Variants in SHC2 observed in about 807,000 individuals in gnomAD.
SHC2 encodes SHC adaptor protein 2.
A neutral mutation model predicts 60.6 loss-of-function variants in SHC2; 62 were observed. That is an observed-to-expected ratio of 1.02 (90% CI 0.83 to 1.26). The LOEUF (loss-of-function observed/expected upper bound fraction) is 1.26, where lower values mean the gene tolerates loss of function less well. SHC2 is among the 50% of genes most tolerant of loss of function. The pLI is 0.00. For synonymous variants in SHC2, 375 were observed against 372.4 expected (o/e 1.01, Z -0.08); for missense variants, 873 against 822.2 (o/e 1.06, Z -0.76).
intron 1 of SHC2, among the ~76,000 whole-genome samples, chr19:443,244 G>T (rs1044793214): frequency 2.0e-5 from 3 of 151,286 alleles, no homozygotes; most frequent in Non-Finnish European, 4.4e-5. Context: ...ATGGATAGTT[G>T]GATGGGTGGA....
At chr19:429,690 A>AC (rs1974519046) in intron 9 of SHC2, among the ~76,000 whole-genome samples, 3 of 142,346 alleles carry the variant, frequency 2.1e-5, no homozygotes, top group Middle Eastern at 3.9e-3. Context: ...CAGTACCTAT[A>AC]CCCAACATGC....
chr19:423,098 T>C (rs949360936), intron 10 of SHC2, among the ~76,000 whole-genome samples: 7 of 151,964 alleles, frequency 4.6e-5, no homozygotes, highest in Non-Finnish European at 7.4e-5. Context: ...CGGCCTTGAA[T>C]TCCTCCAGCT....
intron 4 of SHC2, among the ~76,000 whole-genome samples, chr19:437,922 C>T (rs1165422806): frequency 6.6e-6 from 1 of 152,230 alleles, no homozygotes; most frequent in Non-Finnish European, 1.5e-5. Flanking sequence ...CAGGACACCC[C>T]TCACCTGGCC....
chr19:460,397 T>C, intron 1 of SHC2, 132 bp downstream of exon 1: 1 of 348,664 alleles, frequency 2.9e-6, no homozygotes, highest in Non-Finnish European at 4.8e-6. Flanking sequence ...GGGATGGGGG[T>C]CCGGGGTGGC....
intron 1 of SHC2, among the ~76,000 whole-genome samples, chr19:458,987 C>T (rs1975466954): frequency 6.6e-6 from 1 of 152,078 alleles, no homozygotes. Flanking sequence ...GGCTTGAGGC[C>T]CCCACCTCTG....
chr19:458,032 A>G (rs140740869), intron 1 of SHC2, among the ~76,000 whole-genome samples: 3,444 of 94,120 alleles, frequency 0.037, 212 homozygotes, highest in Middle Eastern at 0.088. Flanking sequence ...AGGCGGAAGT[A>G]GGTTCCGGGG....
At chr19:459,184 TGTAGGGGGAAGGACCCCACTGAACCCAGC>T (rs1478208923) in intron 1 of SHC2, among the ~76,000 whole-genome samples, 4,661 of 146,206 alleles carry the variant, frequency 0.032, 341 homozygotes, top group African/African-American at 0.12. Context: ...CTCAACTCGG[TGTAGGGGGAAGGACCCCACTGAACCCAGC>T]GTAGGGGGAA....
intron 9 of SHC2, among the ~76,000 whole-genome samples, chr19:429,051 T>C (rs554644817): frequency 3.5e-4 from 52 of 148,226 alleles, no homozygotes; most frequent in Middle Eastern, 4.0e-3. Context: ...GCAGTACCTA[T>C]ATCCCAACAT....
chr19:456,009 G>A (rs900311404), intron 1 of SHC2, among the ~76,000 whole-genome samples: 4 of 152,124 alleles, frequency 2.6e-5, no homozygotes, highest in African/African-American at 7.2e-5. Flanking sequence ...CGTGCGTGAC[G>A]AGTGCCCTCA....
intron 1 of SHC2, among the ~76,000 whole-genome samples, chr19:458,975 C>G (rs1445824583): frequency 6.6e-6 from 1 of 152,074 alleles, no homozygotes; most frequent in Non-Finnish European, 1.5e-5. Flanking sequence ...TTGGTGGGCC[C>G]GGGCTTGAGG....
Position 445,541 on chromosome 19 carries a change from C to G in SHC2, c.469-4609G>C, listed in dbSNP as rs1466373633. Among the ~76,000 whole-genome samples, 1 of 152,146 alleles carries G rather than the reference C, an allele frequency of 6.6e-6. No homozygotes were observed. Among genetic ancestry groups the G allele is most frequent in the African/African-American group, 2.4e-5 (1 of 41,448 alleles). On this transcript the variant is annotated intron_variant, in intron 1 of 12. Transcript: ENST00000264554. This position sits in a 1 kb window ranked among gnomAD's most constrained non-coding sequence, Gnocchi z 4.4. Reference sequence around the variant, plus strand: ...TCGAAGCCAGGAGTTCAAGACCAGCCTGGGCAATGTAATGAGGCCTCATCT... The same window carrying G: ...TCGAAGCCAGGAGTTCAAGACCAGCGTGGGCAATGTAATGAGGCCTCATCT...
chr19:447,497 A>G (rs1316195091), intron 1 of SHC2, among the ~76,000 whole-genome samples: 1 of 152,172 alleles, frequency 6.6e-6, no homozygotes, highest in African/African-American at 2.4e-5. Flanking sequence ...TTTGCATGAG[A>G]GCCGGGCACA....
At position 416,917 on chromosome 19, in the gene SHC2, G is replaced by A. The variant is rs1391420917; in HGVS notation, c.*411C>T. 6.5e-6 allele frequency: 1 copy of A among 152,990 alleles called. No homozygotes were observed. The highest frequency in any genetic ancestry group is 1.5e-5 in the Non-Finnish European group (1 of 68,376). The allele number at this position is 152,990 out of a possible 1,614,324, so 9.5% of individuals were successfully genotyped here. A position where few individuals can be genotyped will look rare whatever the true frequency, so the allele number is the denominator to read the frequency against. ...CCCAGTCCTCAGGTGGGAAGAGGAA[G>A]CCCAGCCAGGCCCGGAATCCGCCTC... On this transcript the variant is annotated 3_prime_UTR_variant, in exon 13 of 13. Transcript: ENST00000264554.
rs555657001 is a variant in SHC2 at position 441,252 on chromosome 19, G to A, written c.469-320C>T. 2.7e-5 allele frequency: 21 copies of A among 781,264 alleles called. No homozygotes were observed. Among genetic ancestry groups the A allele is most frequent in the South Asian group, 1.2e-4 (2 of 16,430 alleles). 48.4% of individuals were successfully genotyped at this position (781,264 alleles called of 1,614,324 possible). ...GGTCTCTTTCTGTTCCACCAGCACC[G>A]AAGCCGAGGAGCGTGGGGATGGTGC... On this transcript the variant is annotated intron_variant, in intron 1 of 12. Coordinates refer to ENST00000264554, the MANE Select transcript of SHC2 (RefSeq NM_012435.3). This position sits in a 1 kb window ranked among gnomAD's most constrained non-coding sequence, Gnocchi z 4.9.
chr19:450,950 G>A (rs1975172063), intron 1 of SHC2, among the ~76,000 whole-genome samples: 1 of 150,092 alleles, frequency 6.7e-6, no homozygotes, highest in Non-Finnish European at 1.5e-5. Flanking sequence ...CGTGTGGATG[G>A]CCATACCATA....
rs1974853101 is a variant in SHC2 at position 441,025 on chromosome 19, C to T, written c.469-93G>A. On this transcript the variant is annotated intron_variant, in intron 1 of 12. Transcript: ENST00000264554. The surrounding 1 kb of genome is among the most constrained non-coding windows in gnomAD (Gnocchi z 4.9). ...GCAGCCCTTCGCCGCCTCCACCACCCCTGGGGTCGAGCCCTTTCCTCTGTC... is the reference window on the plus strand; with the variant it reads ...GCAGCCCTTCGCCGCCTCCACCACCTCTGGGGTCGAGCCCTTTCCTCTGTC... 2 of 1,536,814 alleles carry T rather than the reference C, an allele frequency of 1.3e-6. No individual in the cohort carries two copies. The highest frequency in any genetic ancestry group is 2.7e-5 in the African/African-American group (2 of 73,052).
chr19:428,804 A>G (rs1287335575), intron 9 of SHC2, among the ~76,000 whole-genome samples: 1 of 152,172 alleles, frequency 6.6e-6, no homozygotes, highest in African/African-American at 2.4e-5. Flanking sequence ...CACAGTATCT[A>G]CACCCAACGT....
At position 436,223 on chromosome 19, in the gene SHC2, C is replaced by G. The variant is rs755232191; in HGVS notation, c.895G>C (p.Glu299Gln). ...TGCAGGTACTGCTTGAAGCGCAGCT[C>G]GAAAGCTTGGCCCACGGTGCTGATG... is the stretch of plus-strand genomic sequence containing the variant. ...SIISTVGQAF[E>Q]LRFKQYLHSP... Residue 299 changes from glutamate to glutamine, a missense_variant, in exon 7 of 13, where the codon GAG (glutamate) becomes CAG (glutamine). Physicochemically the swap from Glu to Gln is conservative, Grantham distance 29. Coordinates refer to ENST00000264554, the MANE Select transcript of SHC2 (RefSeq NM_012435.3). 5 of 1,603,524 alleles carry G rather than the reference C, an allele frequency of 3.1e-6. No homozygotes were observed. The South Asian group carries it at 3.4e-5, about 11-fold the overall frequency.
intron 1 of SHC2, among the ~76,000 whole-genome samples, chr19:451,344 G>C (rs984569669): frequency 4.2e-5 from 6 of 142,772 alleles, no homozygotes; most frequent in Non-Finnish European, 6.1e-5. Flanking sequence ...CGCCGTGGCT[G>C]TGCCGTATTT....
Sources: allele counts gnomAD v4.1 joint callset (sites outside exome capture counted in the v4.1 genomes callset), GRCh38; gene constraint gnomAD v4.1.1; non-coding constraint Gnocchi (gnomAD v3.1); transcripts MANE v1.5; gene names NCBI Gene and HGNC (gene_info 2026-07-23, HGNC 2026-07-21).